LMNTD1: variants seen among roughly 807,000 people sequenced by gnomAD.
LMNTD1 encodes the protein lamin tail domain containing 1.
LMNTD1 carries 35 observed loss-of-function variants against 50.9 expected under a neutral mutation model. The observed-to-expected ratio is 0.69, with a 90% CI of 0.53 to 0.91. LMNTD1 has a LOEUF of 0.91. Among genes scored for constraint, LMNTD1 ranks in the 40% least tolerant of loss-of-function variants. LMNTD1 has a pLI of 0.00. For synonymous variants in LMNTD1, 153 were observed against 161.9 expected, an observed-to-expected ratio of 0.94 and a Z score of 0.42; for missense variants, 470 against 475.5, an observed-to-expected ratio of 0.99 and a Z score of 0.11.
chr12:25,542,526 T>G (rs11048104), intron 4 of LMNTD1, among the ~76,000 whole-genome samples: 2 of 141,188 alleles, frequency 1.4e-5, no homozygotes, highest in African/African-American at 5.3e-5. Flanking sequence ...AACAATGAGA[T>G]CACATGGACA....
chr12:25,538,312 G>A (rs1942768012), intron 4 of LMNTD1, among the ~76,000 whole-genome samples: 1 of 149,634 alleles, frequency 6.7e-6, no homozygotes, highest in Admixed American at 6.7e-5. Context: ...AATGTTAAGG[G>A]CAACCAGAGA....
chr12:25,639,022 G>A (rs1386998542), intron 1 of LMNTD1, among the ~76,000 whole-genome samples: 1 of 152,166 alleles, frequency 6.6e-6, no homozygotes, highest in African/African-American at 2.4e-5. Flanking sequence ...TATATTCATA[G>A]TCAATTGATT....
intron 1 of LMNTD1, among the ~76,000 whole-genome samples, chr12:25,560,668 A>C (rs959944145): frequency 1.2e-4 from 18 of 150,872 alleles, no homozygotes; most frequent in African/African-American, 4.5e-4. Context: ...GATTCTTCCT[A>C]TCCATGAGCA....
intron 1 of LMNTD1, among the ~76,000 whole-genome samples, chr12:25,558,612 A>G (rs1270830409): frequency 6.6e-6 from 1 of 152,224 alleles, no homozygotes; most frequent in African/African-American, 2.4e-5. Flanking sequence ...GACACTGGGT[A>G]ATTTATAAAG....
intron 1 of LMNTD1, among the ~76,000 whole-genome samples, chr12:25,637,419 T>C (rs144872766): frequency 2.0e-4 from 30 of 152,254 alleles, no homozygotes; most frequent in African/African-American, 7.2e-4. Flanking sequence ...AGAAATAACA[T>C]TATTTTTAAA....
chr12:25,517,920 T>C (rs1429123259), intron 8 of LMNTD1, among the ~76,000 whole-genome samples: 1 of 152,108 alleles, frequency 6.6e-6, no homozygotes, highest in Non-Finnish European at 1.5e-5. Flanking sequence ...GATTTCGTGG[T>C]GTCTTAAAGA....
chr12:25,553,315 G>A (rs1052185880), upstream of LMNTD1: 12 of 1,292,568 alleles, frequency 9.3e-6, no homozygotes, highest in African/African-American at 1.5e-4. Flanking sequence ...CTGCCTCTTA[G>A]AACTATGAGG....
intron 1 of LMNTD1, among the ~76,000 whole-genome samples, chr12:25,564,870 A>C (rs1296463695): frequency 6.6e-6 from 1 of 152,100 alleles, no homozygotes; most frequent in Non-Finnish European, 1.5e-5. Flanking sequence ...CTCTCTCTTT[A>C]TCTCTAATAA....
At chr12:25,498,489 G>A (rs1013619777) in intron 9 of LMNTD1, among the ~76,000 whole-genome samples, 2 of 152,200 alleles carry the variant, frequency 1.3e-5, no homozygotes, top group African/African-American at 4.8e-5. Flanking sequence ...CAACTGTAGA[G>A]AATCAGACAG....
At chr12:25,557,206 T>C (rs1210222004), upstream of LMNTD1, 1 of 152,222 alleles carries the variant, frequency 6.6e-6, no homozygotes, top group Non-Finnish European at 1.5e-5. Flanking sequence ...CCACGTGTAA[T>C]AACAGCCTCA....
intron 1 of LMNTD1, among the ~76,000 whole-genome samples, chr12:25,613,661 G>T (rs180929118): frequency 5.2e-4 from 79 of 152,222 alleles, no homozygotes; most frequent in African/African-American, 1.9e-3. Context: ...TATTTGTTAA[G>T]GGAATTAAGA....
chr12:25,478,159 A>G (rs1275673045), intron 9 of LMNTD1, among the ~76,000 whole-genome samples: 1 of 152,098 alleles, frequency 6.6e-6, no homozygotes, highest in African/African-American at 2.4e-5. Flanking sequence ...TCACAGACAT[A>G]CCCAGGATCA....
intron 1 of LMNTD1, among the ~76,000 whole-genome samples, chr12:25,597,338 G>A (rs536822334): frequency 1.3e-5 from 2 of 152,112 alleles, no homozygotes; most frequent in East Asian, 3.9e-4. Context: ...GAAACCAAGA[G>A]AAGAGCAGGC....
intron 1 of LMNTD1, among the ~76,000 whole-genome samples, chr12:25,630,962 G>A (rs189064563): frequency 1.3e-5 from 2 of 152,288 alleles, no homozygotes; most frequent in South Asian, 2.1e-4. Flanking sequence ...GCTCTTAGTC[G>A]GGGCAGAGTG....
At chr12:25,557,513 G>A (rs962892449), upstream of LMNTD1, 1 of 152,150 alleles carries the variant, frequency 6.6e-6, no homozygotes, top group Non-Finnish European at 1.5e-5. Context: ...TATTTTAGGA[G>A]TAGTCTGTCT....
At chr12:25,642,397 C>T (rs1000223845) in intron 1 of LMNTD1, among the ~76,000 whole-genome samples, 1 of 152,122 alleles carries the variant, frequency 6.6e-6, no homozygotes, top group African/African-American at 2.4e-5. Context: ...GTGTGAGGAT[C>T]TCATGAGAAG....
chr12:25,524,151 T>C (rs942185742), intron 6 of LMNTD1, among the ~76,000 whole-genome samples: 9 of 152,326 alleles, frequency 5.9e-5, no homozygotes, highest in African/African-American at 1.9e-4. Flanking sequence ...TGCTCTCCTT[T>C]ACAGAGTTGA....
rs1157732671 is a variant in LMNTD1 at position 25,476,441 on chromosome 12, G to A, written c.*42C>T. ...TTCTCTTTTGCTTTTCTAGTAGCTG[G>A]TTGAGGGTGGACTAGATTACTAGTA... On this transcript the variant is annotated 3_prime_UTR_variant, in exon 10 of 10. Coordinates refer to ENST00000458174, the MANE Select transcript of LMNTD1 (RefSeq NM_001145728.2). 1 of 152,202 alleles carries A rather than the reference G, an allele frequency of 6.6e-6. No individual in the cohort carries two copies. The highest frequency in any genetic ancestry group is 2.4e-5 in the African/African-American group (1 of 41,464). The allele number at this position is 152,202 out of a possible 1,614,324, so 9.4% of individuals were successfully genotyped here. A position where few individuals can be genotyped will look rare whatever the true frequency, so the allele number is the denominator to read the frequency against.
chr12:25,497,199 T>A (rs1003795200), intron 9 of LMNTD1, among the ~76,000 whole-genome samples: 16 of 152,078 alleles, frequency 1.1e-4, no homozygotes, highest in African/African-American at 3.9e-4. Flanking sequence ...TGGGAGGGGT[T>A]CCCTGGAAAA....
Sources: gnomAD v4.1 joint callset for allele counts (sites outside exome capture counted in the v4.1 genomes callset) on GRCh38, gnomAD v4.1.1 for gene constraint, MANE v1.5 for transcripts, NCBI Gene and HGNC (gene_info 2026-07-23, HGNC 2026-07-21) for gene names.